Variants in MACC1 observed in about 807,000 individuals in gnomAD.
MACC1 encodes MET transcriptional regulator MACC1, also known as metastasis-associated in colon cancer protein 1.
Under a neutral mutation model 70.7 loss-of-function variants are expected in MACC1, and 79 were observed. The observed-to-expected ratio is 1.12, with a 90% confidence interval of 0.93 to 1.35. The LOEUF (loss-of-function observed/expected upper bound fraction) is 1.35, where lower values mean the gene tolerates loss of function less well. MACC1 is among the 40% of genes most tolerant of loss of function. The pLI is 0.00. For synonymous variants in MACC1, 361 were observed against 347.2 expected (o/e 1.04, Z -0.44); for missense variants, 1,106 against 978.1 (o/e 1.13, Z -1.74).
In MACC1 at chr7:20,205,424, G is replaced by T. The variant is rs563609603; in HGVS notation, c.-218+11875C>A. Among the ~76,000 whole-genome samples, 10 of 152,270 alleles carry T rather than the reference G, an allele frequency of 6.6e-5. No individual in the cohort carries two copies. The South Asian group carries it at 1.7e-3, about 25-fold the overall frequency. ...GATGCTAAGGGGCTTCCTTGATCCT[G>T]CTTGATCTGTGGTGTGGTCTGATTT... On this transcript the variant is annotated intron_variant, in intron 1 of 6. Coordinates refer to ENST00000400331, the MANE Select transcript of MACC1 (RefSeq NM_182762.4).
intron 1 of MACC1, among the ~76,000 whole-genome samples, chr7:20,203,897 T>G (rs1235132822): frequency 1.3e-5 from 2 of 152,056 alleles, no homozygotes; most frequent in African/African-American, 4.8e-5. Flanking sequence ...AATTACATAA[T>G]CATAATGGAA....
intron 6 of MACC1, 85 bp from the exon 7 acceptor site, chr7:20,141,243 C>G: frequency 3.4e-6 from 3 of 893,740 alleles, no homozygotes; most frequent in Admixed American, 2.9e-5. Context: ...TAAAAAGCCT[C>G]TTAAGATTTA....
At chr7:20,190,770 G>A (rs762429064) in intron 1 of MACC1, among the ~76,000 whole-genome samples, 1 of 152,174 alleles carries the variant, frequency 6.6e-6, no homozygotes, top group Non-Finnish European at 1.5e-5. Flanking sequence ...GTTAATGACA[G>A]AATAATCAGT....
rs1474575069 is a variant in MACC1 at position 20,159,235 on chromosome 7, C to A, written c.1126G>T (p.Gly376Ter). 2 of 1,613,632 alleles carry A rather than the reference C, an allele frequency of 1.2e-6. No individual in the cohort carries two copies. Among genetic ancestry groups the A allele is most frequent in the African/African-American group, 2.7e-5 (2 of 74,878 alleles). The change falls in exon 5 of 7, where the codon GGA (glycine) becomes TGA (stop). Residue 376 changes from glycine to a stop codon, truncating the protein, a stop_gained. Transcript: ENST00000400331. LOFTEE classifies it high-confidence loss of function. ...IHKTTSIGIY[G>*]PKYIHPSFTV... ...AAACTGGGATGGATATATTTGGGTC[C>A]ATAAATTCCAATTGAGGTGGTTTTG...
rs751722339 is a variant in MACC1, at chr7:20,159,434, C to G, written c.927G>C (p.Val309=). The G allele has an allele frequency of 1.9e-6, 3 of 1,613,914 alleles. No individual in the cohort carries two copies. Among genetic ancestry groups the G allele is most frequent in the Non-Finnish European group, 1.7e-6 (2 of 1,180,032 alleles). ...CTTCTTTACCCAAGCTGTGTAAACACACCATTTCTGTCATGACTTGGCTGA... is the reference window on the plus strand; with the variant it reads ...CTTCTTTACCCAAGCTGTGTAAACAGACCATTTCTGTCATGACTTGGCTGA... ...DPFSQVMTEM[V]CLHSLGKEGP... is the part of the protein sequence containing the mutation. Residue 309 remains valine, a synonymous_variant, in exon 5 of 7, where the codon GTG becomes GTC. Coordinates refer to ENST00000400331, the MANE Select transcript of MACC1 (RefSeq NM_182762.4).
At chr7:20,174,431 C>G (rs1002092946) in intron 1 of MACC1, among the ~76,000 whole-genome samples, 1 of 152,034 alleles carries the variant, frequency 6.6e-6, no homozygotes, top group East Asian at 1.9e-4. Context: ...ATGGCCCCAG[C>G]AAAATCAATG....
chr7:20,136,938 AATT>A lies in MACC1; in HGVS notation c.*4005_*4007del, dbSNP rs1350761253. On this transcript the variant is annotated 3_prime_UTR_variant, in exon 7 of 7. Coordinates refer to ENST00000400331, the MANE Select transcript of MACC1 (RefSeq NM_182762.4). The stretch of plus-strand genomic sequence containing the variant: ...ATTATTAATTATAATATTAAATTAT[AATT>A]ATTAATTCTTAAAGATTATGAATTA... 1 of 144,676 alleles carries A rather than the reference AATT, an allele frequency of 6.9e-6. No homozygotes were observed. Among genetic ancestry groups the A allele is most frequent in the Admixed American group, 6.8e-5 (1 of 14,602 alleles). The allele number at this position is 144,676 out of a possible 1,614,324, so 9.0% of individuals were successfully genotyped here. A position where few individuals can be genotyped will look rare whatever the true frequency, so the allele number is the denominator to read the frequency against.
At chr7:20,172,262 G>C (rs1371310472) in intron 1 of MACC1, among the ~76,000 whole-genome samples, 2 of 152,136 alleles carry the variant, frequency 1.3e-5, no homozygotes, top group Non-Finnish European at 2.9e-5. Flanking sequence ...CATTGATCTG[G>C]GTTTGCCCAG....
At chr7:20,158,074 A>G in intron 5 of MACC1, 130 bp downstream of exon 5, 2 of 1,081,304 alleles carry the variant, frequency 1.8e-6, no homozygotes, top group South Asian at 2.1e-5. Flanking sequence ...TATTTGCTAT[A>G]AAGTGTCTTT....
At chr7:20,197,279 C>T (rs1782767577) in intron 1 of MACC1, among the ~76,000 whole-genome samples, 1 of 152,166 alleles carries the variant, frequency 6.6e-6, no homozygotes, top group African/African-American at 2.4e-5. Flanking sequence ...TCCTCCCAGG[C>T]CTATGTGCAG....
At chr7:20,190,766 G>C (rs1782660911) in intron 1 of MACC1, among the ~76,000 whole-genome samples, 1 of 152,174 alleles carries the variant, frequency 6.6e-6, no homozygotes. Context: ...AACTGTTAAT[G>C]ACAGAATAAT....
intron 1 of MACC1, among the ~76,000 whole-genome samples, chr7:20,172,672 T>C (rs1782326538): frequency 6.6e-6 from 1 of 152,198 alleles, no homozygotes; most frequent in Non-Finnish European, 1.5e-5. Flanking sequence ...GAATTGTCCA[T>C]CACTGTCATT....
chr7:20,148,161 T>C (rs1247611494), intron 6 of MACC1, among the ~76,000 whole-genome samples: 2 of 145,268 alleles, frequency 1.4e-5, no homozygotes, highest in Non-Finnish European at 3.1e-5. Flanking sequence ...TTTCCCCTTC[T>C]GGCAAATGAG....
chr7:20,143,346 A>G (rs1443512982), intron 6 of MACC1, among the ~76,000 whole-genome samples: 1 of 152,188 alleles, frequency 6.6e-6, no homozygotes, highest in Admixed American at 6.5e-5. Context: ...AGAGCACCAC[A>G]TAACGTCCTC....
At chr7:20,164,680 C>T (rs999815150) in intron 2 of MACC1, among the ~76,000 whole-genome samples, 3 of 152,128 alleles carry the variant, frequency 2.0e-5, no homozygotes, top group African/African-American at 7.2e-5. Context: ...CTTCCAAATG[C>T]TGTGGTTGAT....
intron 1 of MACC1, among the ~76,000 whole-genome samples, chr7:20,202,183 G>C (rs578195321): frequency 1.3e-5 from 2 of 152,300 alleles, no homozygotes; most frequent in East Asian, 3.9e-4. Context: ...GTGTAGACAA[G>C]TGCAGTTATT....
At position 20,141,138 on chromosome 7, in the gene MACC1, A is replaced by G. The variant is rs987160331; in HGVS notation, c.2367T>C (p.Tyr789=). The change falls in exon 7 of 7, where the codon TAT becomes TAC. Residue 789 remains tyrosine, a synonymous_variant. Coordinates refer to ENST00000400331, the MANE Select transcript of MACC1 (RefSeq NM_182762.4). ...VAVEMMWKPA[Y]DFLYTWSAHY... ...GAGCACTCCAGGTATACAGAAAATC[A>G]TAGGCAGGTTTCCACATCATCTATA... The G allele has an allele frequency of 6.2e-7, 1 of 1,603,220 alleles. No individual in the cohort carries two copies. The highest frequency in any genetic ancestry group is 1.7e-5 in the Admixed American group (1 of 58,248).
Position 20,158,298 on chromosome 7 carries a change from TTGTC to T in MACC1, c.2059_2062del (p.Asp687LysfsTer10), listed in dbSNP as rs1782084362. The stretch of plus-strand genomic sequence containing the variant: ...AACATAAGAAACTTTCTCTGATTCT[TTGTC>T]TGCTTGAATTTGATCAAAATCTTCC... On this transcript the variant is annotated frameshift_variant, in exon 5 of 7. Coordinates refer to ENST00000400331, the MANE Select transcript of MACC1 (RefSeq NM_182762.4). LOFTEE classifies it high-confidence loss of function. 6.2e-7 allele frequency: 1 copy of T among 1,613,370 alleles called. No homozygotes were observed. The highest frequency in any genetic ancestry group is 8.5e-7 in the Non-Finnish European group (1 of 1,179,930).
chr7:20,165,119 A>G (rs1431935602), intron 2 of MACC1, among the ~76,000 whole-genome samples: 1 of 152,100 alleles, frequency 6.6e-6, no homozygotes, highest in East Asian at 1.9e-4. Context: ...TTCTTTGTGG[A>G]TTATCCTTAT....
Sources: gnomAD v4.1 joint callset for allele counts (sites outside exome capture counted in the v4.1 genomes callset) on GRCh38, gnomAD v4.1.1 for gene constraint, MANE v1.5 for transcripts, NCBI Gene and HGNC (gene_info 2026-07-23, HGNC 2026-07-21) for gene names.